The following ASB3 variants were observed in gnomAD, a reference collection of about 807,000 sequenced individuals.
ASB3 encodes ankyrin repeat and SOCS box protein 3.
A neutral mutation model predicts 54.5 loss-of-function variants in ASB3; 41 were observed. That is an observed-to-expected ratio of 0.75 (90% CI 0.59 to 0.98). The LOEUF is 0.98. Among genes scored for constraint, ASB3 ranks in the 50% least tolerant of loss-of-function variants. The pLI is 0.00. For synonymous variants in ASB3, 266 were observed against 221.2 expected, an observed-to-expected ratio of 1.20 and a Z score of -1.80; for missense variants, 733 against 620.0, an observed-to-expected ratio of 1.18 and a Z score of -1.94.
At chr2:53,703,082 G>C (rs1669580796) in intron 7 of ASB3, among the ~76,000 whole-genome samples, 1 of 152,314 alleles carries the variant, frequency 6.6e-6, no homozygotes, top group South Asian at 2.1e-4. Flanking sequence ...AACCAGGTGA[G>C]CTAAGCCACA....
At chr2:53,697,789 C>T (rs1277893042) in intron 8 of ASB3, among the ~76,000 whole-genome samples, 1 of 152,192 alleles carries the variant, frequency 6.6e-6, no homozygotes, top group Non-Finnish European at 1.5e-5. Context: ...TCAGGGCTTC[C>T]TGGATAAACT....
At chr2:53,767,799 C>T in intron 1 of ASB3, 7 of 1,502,708 alleles carry the variant, frequency 4.7e-6, no homozygotes, top group Non-Finnish European at 6.3e-6. Flanking sequence ...CCCGCGCGGC[C>T]GGTTACTCGC....
chr2:53,767,207 C>T (rs188674764), intron 1 of ASB3: 17 of 152,226 alleles, frequency 1.1e-4, no homozygotes, highest in African/African-American at 3.9e-4. Context: ...AATGATAATA[C>T]TAAAGATGAA....
At chr2:53,786,676 A>T (rs1675032220) in intron 1 of ASB3, 145 bp downstream of exon 1, 1 of 153,142 alleles carries the variant, frequency 6.5e-6, no homozygotes, top group Non-Finnish European at 1.5e-5. Context: ...GCTACTTCGA[A>T]TTTTCTCATC....
At chr2:53,759,570 G>C (rs564371864) in intron 2 of ASB3, among the ~76,000 whole-genome samples, 1 of 152,198 alleles carries the variant, frequency 6.6e-6, no homozygotes, top group Non-Finnish European at 1.5e-5. Context: ...GGCAGAACGG[G>C]ATAAACGGGA....
At chr2:53,722,609 T>C (rs1474944485) in intron 5 of ASB3, among the ~76,000 whole-genome samples, 1 of 152,076 alleles carries the variant, frequency 6.6e-6, no homozygotes, top group African/African-American at 2.4e-5. Flanking sequence ...GAGAAAAGCC[T>C]TCATAAAACC....
At chr2:53,694,038 A>G (rs769558504) in intron 8 of ASB3, 24 bp from the exon 9 acceptor site, 295 of 1,609,232 alleles carry the variant, frequency 1.8e-4, no homozygotes, top group Non-Finnish European at 2.4e-4. Flanking sequence ...ATGTTAATAT[A>G]ATATTAGAAA....
intron 3 of ASB3, among the ~76,000 whole-genome samples, chr2:53,740,649 G>C (rs1428239930): frequency 6.6e-6 from 1 of 152,096 alleles, no homozygotes; most frequent in African/African-American, 2.4e-5. Flanking sequence ...ATACTGATGG[G>C]AAAAACCATG....
rs1172620819 is a variant in ASB3 at position 53,786,868 on chromosome 2, T to A, written c.-61A>T. The A allele has an allele frequency of 3.8e-6, 1 of 263,332 alleles. No individual in the cohort carries two copies. Among genetic ancestry groups the A allele is most frequent in the Non-Finnish European group, 7.2e-6 (1 of 138,888 alleles). The allele number at this position is 263,332 out of a possible 1,614,324, so 16.3% of individuals were successfully genotyped here. A position where few individuals can be genotyped will look rare whatever the true frequency, so the allele number is the denominator to read the frequency against. ...CCGAAATGGCTGGTCCGAGGCCGCG[T>A]CTCCAGAGCTGCGTCCCAGAAGCCC... On this transcript the variant is annotated 5_prime_UTR_variant, in exon 1 of 10. Transcript: ENST00000263634.
intron 7 of ASB3, among the ~76,000 whole-genome samples, chr2:53,700,906 A>C (rs900661819): frequency 3.9e-5 from 6 of 152,228 alleles, no homozygotes; most frequent in African/African-American, 1.4e-4. Context: ...CTTAAAACTA[A>C]ATGATTCTAG....
At chr2:53,742,691 A>G (rs1672001578) in intron 3 of ASB3, among the ~76,000 whole-genome samples, 1 of 152,046 alleles carries the variant, frequency 6.6e-6, no homozygotes, top group Non-Finnish European at 1.5e-5. Context: ...ATTGAAAGAA[A>G]CACTAGACAG....
chr2:53,675,104 G>T (rs1183521203), intron 9 of ASB3, among the ~76,000 whole-genome samples: 1 of 152,106 alleles, frequency 6.6e-6, no homozygotes, highest in African/African-American at 2.4e-5. Context: ...TCTACAAAAT[G>T]GGCATAATGA....
intron 7 of ASB3, among the ~76,000 whole-genome samples, chr2:53,708,637 C>T (rs1244328070): frequency 1.3e-5 from 2 of 152,156 alleles, no homozygotes; most frequent in East Asian, 1.9e-4. Flanking sequence ...ATGGTTGTCA[C>T]CAAAGTGCTG....
intron 9 of ASB3, among the ~76,000 whole-genome samples, chr2:53,690,182 G>C (rs1158302672): frequency 6.6e-6 from 1 of 152,056 alleles, no homozygotes; most frequent in Non-Finnish European, 1.5e-5. Flanking sequence ...GCTGCAGTGA[G>C]CCATGATCAT....
chr2:53,752,304 C>T (rs1480868046), intron 2 of ASB3, among the ~76,000 whole-genome samples: 2 of 152,146 alleles, frequency 1.3e-5, no homozygotes, highest in African/African-American at 4.8e-5. Flanking sequence ...GTGTCACCAC[C>T]AGGACAAATT....
At position 53,693,941 on chromosome 2, in the gene ASB3, C is replaced by T; in HGVS notation, c.1312G>A (p.Val438Ile). Residue 438 changes from valine (V) to isoleucine (I), a missense_variant, in exon 9 of 10, where the codon GTT (valine) becomes ATT (isoleucine). By Grantham distance (29) the Val-to-Ile change is conservative. Transcript: ENST00000263634. ...FTNWKTLAPA[V>I]ERMLSARASN... ...GCACGAGCAGAGAGCATCCTTTCAA[C>T]AGCTGGTGCAAGTGTCTTCCAATTA... The T allele has an allele frequency of 6.2e-7, 1 of 1,613,656 alleles. No homozygotes were observed. Among genetic ancestry groups the T allele is most frequent in the Non-Finnish European group, 8.5e-7 (1 of 1,179,658 alleles).
chr2:53,761,518 C>G (rs926431965), intron 2 of ASB3, among the ~76,000 whole-genome samples: 1 of 152,168 alleles, frequency 6.6e-6, no homozygotes, highest in Non-Finnish European at 1.5e-5. Flanking sequence ...GATCCTCAGG[C>G]CTTCAAACTC....
intron 9 of ASB3, among the ~76,000 whole-genome samples, chr2:53,672,226 G>A (rs1667857903): frequency 6.6e-6 from 1 of 152,078 alleles, no homozygotes; most frequent in Non-Finnish European, 1.5e-5. Context: ...AGTCTAAGCT[G>A]GGCATTTTCT....
At chr2:53,753,651 T>C (rs1672654416) in intron 2 of ASB3, among the ~76,000 whole-genome samples, 1 of 143,806 alleles carries the variant, frequency 7.0e-6, no homozygotes, top group Admixed American at 7.2e-5. Context: ...TCTTTCTTTC[T>C]GTTTTTTTTT....
Sources: gnomAD v4.1 joint callset for allele counts (sites outside exome capture counted in the v4.1 genomes callset) on GRCh38, gnomAD v4.1.1 for gene constraint, MANE v1.5 for transcripts, NCBI Gene and HGNC (gene_info 2026-07-23, HGNC 2026-07-21) for gene names.